TRMT10A: variants seen among roughly 807,000 people sequenced by gnomAD.
TRMT10A encodes the protein tRNA methyltransferase 10A, also known as tRNA methyltransferase 10 homolog A.
In TRMT10A, 37 loss-of-function variants were observed where a neutral mutation model predicts 40.4. The ratio of observed to expected loss-of-function variants is 0.92; its 90% CI spans 0.71 to 1.21. The LOEUF is 1.21. TRMT10A is among the 50% of genes most tolerant of loss of function. The pLI, the probability that TRMT10A is intolerant of heterozygous loss-of-function variation, is 0.00. For missense variants in TRMT10A, 388 were observed against 404.3 expected, an observed-to-expected ratio of 0.96 and a Z score of 0.35; for synonymous variants, 103 against 134.1, an observed-to-expected ratio of 0.77 and a Z score of 1.60.
intron 3 of TRMT10A, chr4:99,557,665 G>A (rs1260567371): frequency 1.6e-5 from 7 of 426,340 alleles, no homozygotes; most frequent in African/African-American, 1.2e-4. Flanking sequence ...TCATGAAAAC[G>A]GCTACTCTCT....
intron 3 of TRMT10A, 196 bp downstream of exon 3, chr4:99,557,853 C>A (rs1287122653): frequency 2.4e-5 from 13 of 543,628 alleles, no homozygotes; most frequent in Non-Finnish European, 3.5e-5. Context: ...CTGACACACA[C>A]ACATACACAC....
intron 7 of TRMT10A, among the ~76,000 whole-genome samples, chr4:99,550,324 G>A (rs1025096697): frequency 3.3e-5 from 5 of 152,124 alleles, no homozygotes; most frequent in African/African-American, 1.2e-4. Context: ...TGAATAGCTA[G>A]GACTACAAGC....
At chr4:99,554,321 G>A (rs72681980) in intron 5 of TRMT10A, among the ~76,000 whole-genome samples, 2,356 of 152,190 alleles carry the variant, frequency 0.015, 25 homozygotes, top group Non-Finnish European at 0.023. Flanking sequence ...CTTTATTTCT[G>A]TTCCAACAAA....
chr4:99,554,722 C>CAAAAA (rs532448105), intron 5 of TRMT10A, among the ~76,000 whole-genome samples: 46 of 90,522 alleles, frequency 5.1e-4, no homozygotes, highest in Admixed American at 6.8e-4. Flanking sequence ...GACTACGTTT[C>CAAAAA]AAAAAAAAAA....
At position 99,550,957 on chromosome 4, in the gene TRMT10A, T is replaced by G. The variant is rs1281235889; in HGVS notation, c.679A>C (p.Ile227Leu). ...CCAAGTGGGAGCTGTGCATGATTGA[T>G]TCCATAATCTGACGCTTGTTTATAT... ...LTYKQASDYG[I>L]NHAQLPLGNF... The change falls in exon 7 of 8, where the codon ATC becomes CTC. Residue 227 changes from isoleucine to leucine, a missense_variant. Physicochemically the swap from Ile to Leu is conservative, Grantham distance 5 (BLOSUM62 2). Transcript: ENST00000394876. 6.2e-7 allele frequency: 1 copy of G among 1,612,474 alleles called. No homozygotes were observed. The highest frequency in any genetic ancestry group is 1.3e-5 in the African/African-American group (1 of 74,874).
intron 6 of TRMT10A, among the ~76,000 whole-genome samples, chr4:99,552,688 G>A (rs1419802723): frequency 2.0e-5 from 3 of 152,066 alleles, no homozygotes; most frequent in Non-Finnish European, 2.9e-5. Flanking sequence ...CAAATTAAAT[G>A]AAAACTTGAA....
At chr4:99,561,710 AG>A (rs1481010971) in intron 1 of TRMT10A, among the ~76,000 whole-genome samples, 2 of 152,226 alleles carry the variant, frequency 1.3e-5, no homozygotes, top group African/African-American at 4.8e-5. Context: ...TAAGCAAAAC[AG>A]CATTTTATTA....
In TRMT10A at chr4:99,559,197, G is replaced by GC; in HGVS notation, c.141_142insG (p.Leu48AlafsTer41). ...TCTTCCCATTGTTTCTGTTTTATTA[G>GC]TTTTTTCATTTGTCGTTTAGATATT... On this transcript the variant is annotated frameshift_variant, in exon 2 of 8. Transcript: ENST00000394876. LOFTEE classifies it high-confidence loss of function. 1.2e-6 allele frequency: 2 copies of GC among 1,613,134 alleles called. No individual in the cohort carries two copies. The highest frequency in any genetic ancestry group is 4.5e-5 in the East Asian group (2 of 44,832).
At chr4:99,557,458 G>T in intron 3 of TRMT10A, 42 bp from the exon 4 acceptor site, 3 of 1,557,650 alleles carry the variant, frequency 1.9e-6, no homozygotes, top group Non-Finnish European at 2.7e-6. Context: ...TATTAAAATT[G>T]TCTATGGCCA....
In TRMT10A at chr4:99,556,188, T is replaced by C. The variant is rs774357829; in HGVS notation, c.453A>G (p.Lys151=). 6.2e-7 allele frequency: 1 copy of C among 1,613,790 alleles called. No individual in the cohort carries two copies. The highest frequency in any genetic ancestry group is 1.1e-5 in the South Asian group (1 of 91,064). Residue 151 remains lysine (K), a synonymous_variant, in exon 5 of 8, where the codon AAA becomes AAG. Transcript: ENST00000394876. ...FYLTSHGGQL[K]KNMDENDKGW... ...CTTTGTCATTTTCATCCATGTTCTT[T>C]TTCAGCTGGCCTCCGTGGCTTGTCA...
chr4:99,549,092 T>C lies in TRMT10A; in HGVS notation c.1016A>G (p.His339Arg). 6.2e-7 allele frequency: 1 copy of C among 1,613,490 alleles called. No homozygotes were observed. The highest frequency in any genetic ancestry group is 1.1e-5 in the South Asian group (1 of 91,038). The stretch of plus-strand genomic sequence containing the variant: ...CTAAAAGGAAACCAGGTAACATTAG[T>C]GTGGCAGAGAGTTCACTGTAGATTC... Reference protein sequence around the residue: ...HTESTVNSLPH With the variant: ...HTESTVNSLPR Residue 339 changes from histidine to arginine, a missense_variant, in exon 8 of 8, where the codon CAC (histidine) becomes CGC (arginine). By Grantham distance (29) the His-to-Arg change is conservative (BLOSUM62 0). Coordinates refer to ENST00000394876, the MANE Select transcript of TRMT10A (RefSeq NM_001134665.3).
At chr4:99,554,809 G>GAC (rs780577966) in intron 5 of TRMT10A, among the ~76,000 whole-genome samples, 2 of 150,806 alleles carry the variant, frequency 1.3e-5, no homozygotes, top group African/African-American at 4.9e-5. Context: ...TCTACAAAGA[G>GAC]ACACACATTT....
At chr4:99,559,503 A>G in intron 1 of TRMT10A, 142 bp from the exon 2 acceptor site, 4 of 615,428 alleles carry the variant, frequency 6.5e-6, no homozygotes, top group Non-Finnish European at 1.1e-5. Context: ...TCATTTAAAT[A>G]CCATTTAATA....
At chr4:99,553,253 G>A (rs928815427) in intron 6 of TRMT10A, among the ~76,000 whole-genome samples, 1 of 152,266 alleles carries the variant, frequency 6.6e-6, no homozygotes, top group African/African-American at 2.4e-5. Flanking sequence ...TGTAGCTGGC[G>A]AAGTACAAAA....
At chr4:99,563,833 G>C (rs943814858) in intron 1 of TRMT10A, 80 bp downstream of exon 1, 2 of 654,680 alleles carry the variant, frequency 3.1e-6, no homozygotes, top group Non-Finnish European at 5.6e-6. Context: ...TTGCTAGTAG[G>C]GGGCTGCATG....
intron 5 of TRMT10A, among the ~76,000 whole-genome samples, chr4:99,554,575 G>T (rs71612697): frequency 0.07 from 10,681 of 151,916 alleles, 627 homozygotes; most frequent in African/African-American, 0.16. Flanking sequence ...ACAAAAATTA[G>T]CTGGGTGTGG....
intron 6 of TRMT10A, among the ~76,000 whole-genome samples, chr4:99,553,526 T>C (rs920196642): frequency 2.4e-4 from 37 of 152,196 alleles, no homozygotes; most frequent in African/African-American, 8.7e-4. Context: ...CCTACTACTG[T>C]TGATTTTAGA....
chr4:99,557,551 G>T, intron 3 of TRMT10A, 135 bp from the exon 4 acceptor site: 1 of 650,318 alleles, frequency 1.5e-6, no homozygotes, highest in Non-Finnish European at 2.5e-6. Context: ...AATGCATTCT[G>T]ATAAATGTTA....
chr4:99,556,305 C>A (rs11935423), intron 4 of TRMT10A, 85 bp from the exon 5 acceptor site: 2 of 1,205,424 alleles, frequency 1.7e-6, no homozygotes. Context: ...ACTTATCTGA[C>A]GATCAATGAA....
Sources: allele counts gnomAD v4.1 joint callset (sites outside exome capture counted in the v4.1 genomes callset), GRCh38; gene constraint gnomAD v4.1.1; transcripts MANE v1.5; gene names NCBI Gene and HGNC (gene_info 2026-07-23, HGNC 2026-07-21).